The following COG3 variants were observed in gnomAD, a reference collection of about 807,000 sequenced individuals.
COG3 encodes conserved oligomeric Golgi complex subunit 3.
A neutral mutation model predicts 114.1 loss-of-function variants in COG3; 32 were observed. The observed-to-expected ratio is 0.28, with a 90% CI of 0.21 to 0.38. The LOEUF (loss-of-function observed/expected upper bound fraction) is 0.38, where lower values mean the gene tolerates loss of function less well. COG3 is among the 10% of genes least tolerant of loss of function. The pLI is 1.00. For missense variants in COG3, 813 were observed against 973.2 expected (o/e 0.84, Z 2.19); for synonymous variants, 352 against 365.7 (o/e 0.96, Z 0.43).
intron 19 of COG3, among the ~76,000 whole-genome samples, chr13:45,523,064 G>A (rs1374550420): frequency 1.3e-5 from 2 of 152,050 alleles, no homozygotes; most frequent in East Asian, 1.9e-4. Context: ...ACAAATTTGA[G>A]GTGAAGATTT....
At chr13:45,508,730 A>G (rs761636017) in intron 14 of COG3, among the ~76,000 whole-genome samples, 71 of 152,300 alleles carry the variant, frequency 4.7e-4, no homozygotes, top group Non-Finnish European at 9.4e-4. Flanking sequence ...CCCTCGACCC[A>G]GAAGTGATTG....
At chr13:45,511,093 C>T (rs537348567) in intron 15 of COG3, among the ~76,000 whole-genome samples, 2 of 151,926 alleles carry the variant, frequency 1.3e-5, no homozygotes, top group African/African-American at 4.8e-5. Flanking sequence ...CATGCCACAC[C>T]TCTGGGAAGA....
At chr13:45,485,141 C>G (rs1243819035) in intron 7 of COG3, among the ~76,000 whole-genome samples, 5 of 148,174 alleles carry the variant, frequency 3.4e-5, no homozygotes, top group Admixed American at 2.7e-4. Flanking sequence ...GGGCGGTGGC[C>G]GGGCAGAGGG....
intron 5 of COG3, among the ~76,000 whole-genome samples, chr13:45,481,658 TATTCTC>T (rs1437663892): frequency 1.3e-5 from 2 of 152,202 alleles, no homozygotes; most frequent in Admixed American, 6.5e-5. Flanking sequence ...TTTTAAAACT[TATTCTC>T]ATGTTTAGTT....
intron 12 of COG3, among the ~76,000 whole-genome samples, chr13:45,494,408 C>T (rs1868488248): frequency 6.6e-6 from 1 of 151,432 alleles, no homozygotes; most frequent in South Asian, 2.1e-4. Context: ...TTCATTGAGA[C>T]ACTAATTTGT....
chr13:45,503,752 A>C (rs1869808596), intron 14 of COG3, among the ~76,000 whole-genome samples: 1 of 152,154 alleles, frequency 6.6e-6, no homozygotes, highest in South Asian at 2.1e-4. Context: ...TGCATAATTC[A>C]AGTGGTTTGG....
intron 13 of COG3, among the ~76,000 whole-genome samples, 160 bp downstream of exon 13, chr13:45,496,472 G>A (rs1260267145): frequency 6.6e-6 from 1 of 152,002 alleles, no homozygotes; most frequent in African/African-American, 2.4e-5. Flanking sequence ...CACCTGCCTC[G>A]GCCTCCCAAG....
In COG3 at chr13:45,497,191, C is replaced by A. The variant is rs528442743; in HGVS notation, c.1488+879C>A. Among the ~76,000 whole-genome samples, 29 of 152,154 alleles carry A rather than the reference C, an allele frequency of 1.9e-4. 1 individual carries two copies. The highest frequency in any genetic ancestry group is 4.4e-5 in the Non-Finnish European group (3 of 68,028). ...GGAGGCCGTCTCCTCAAAATTATAC[C>A]GTACAAGTGTCCAGTTTATGGTTTG... is the stretch of plus-strand genomic sequence containing the variant. On this transcript the variant is annotated intron_variant, in intron 13 of 22. Transcript: ENST00000349995.
intron 19 of COG3, among the ~76,000 whole-genome samples, chr13:45,524,593 T>C (rs35485445): frequency 0.048 from 7,235 of 152,314 alleles, 248 homozygotes; most frequent in East Asian, 0.1. Flanking sequence ...TTTTTCTAAT[T>C]ACATACAAAA....
chr13:45,474,959 A>G (rs1885769039), intron 1 of COG3, among the ~76,000 whole-genome samples: 1 of 146,300 alleles, frequency 6.8e-6, no homozygotes, highest in African/African-American at 2.5e-5. Context: ...CTGTATGTCT[A>G]TAAATAAATT....
In COG3 at chr13:45,518,757, C is replaced by G. The variant is rs1334572747; in HGVS notation, c.1931-5C>G. ...GTTCACTGGATGAGTAATTTTGTTT[C>G]ACAGATGCAGCATTTAAAATCCTGA... is the stretch of plus-strand genomic sequence containing the variant. On this transcript the variant is annotated splice_region_variant and splice_polypyrimidine_tract_variant and intron_variant, in intron 17 of 22. Coordinates refer to ENST00000349995, the MANE Select transcript of COG3 (RefSeq NM_031431.4). 6.2e-7 allele frequency: 1 copy of G among 1,608,092 alleles called. No homozygotes were observed. Among genetic ancestry groups the G allele is most frequent in the Non-Finnish European group, 8.5e-7 (1 of 1,176,758 alleles).
chr13:45,520,014 C>T (rs1015488722), intron 19 of COG3, among the ~76,000 whole-genome samples: 2 of 152,170 alleles, frequency 1.3e-5, no homozygotes, highest in African/African-American at 2.4e-5. Context: ...TGTGTTGGCT[C>T]ACACCTATAA....
chr13:45,473,601 TACTC>T (rs1200337892), intron 1 of COG3, among the ~76,000 whole-genome samples: 6 of 152,336 alleles, frequency 3.9e-5, no homozygotes, highest in African/African-American at 1.2e-4. Flanking sequence ...TTTATAAACT[TACTC>T]TGTTGCTGCT....
intron 2 of COG3, among the ~76,000 whole-genome samples, chr13:45,477,293 C>T (rs909713145): frequency 6.6e-6 from 1 of 152,010 alleles, no homozygotes; most frequent in African/African-American, 2.4e-5. Context: ...AGTCTTGCAC[C>T]ACATCTGTGA....
At chr13:45,480,066 T>C (rs1457785926) in intron 3 of COG3, 59 bp from the exon 4 acceptor site, 1 of 1,436,788 alleles carries the variant, frequency 7.0e-7, no homozygotes, top group East Asian at 2.3e-5. Context: ...TGTTGTTTTT[T>C]TACTGTGCTT....
chr13:45,500,094 G>GTGTATA (rs1321310200), intron 13 of COG3, among the ~76,000 whole-genome samples: 2 of 114,890 alleles, frequency 1.7e-5, no homozygotes, highest in African/African-American at 6.9e-5. Flanking sequence ...GTGTGTGTGT[G>GTGTATA]TATATATATA....
intron 1 of COG3, among the ~76,000 whole-genome samples, chr13:45,471,877 C>T (rs902648765): frequency 2.0e-5 from 3 of 151,636 alleles, no homozygotes; most frequent in Admixed American, 6.6e-5. Flanking sequence ...GGATTACAGG[C>T]GCCCGCCACT....
Position 45,535,009 on chromosome 13 carries a change from A to G in COG3, c.*278A>G. 8.4e-7 allele frequency: 1 copy of G among 1,194,318 alleles called. No homozygotes were observed. Among genetic ancestry groups the G allele is most frequent in the Non-Finnish European group, 1.0e-6 (1 of 965,250 alleles). The allele number at this position is 1,194,318 out of a possible 1,614,324, so 74.0% of individuals were successfully genotyped here. ...AAATGTGAAGAGAGAGCTAGGGCAG[A>G]CATGCAGTGAAATGGTTCTTTGTTA... On this transcript the variant is annotated 3_prime_UTR_variant, in exon 23 of 23. Transcript: ENST00000349995.
chr13:45,521,250 A>C (rs1413376951), intron 19 of COG3, among the ~76,000 whole-genome samples: 1 of 152,190 alleles, frequency 6.6e-6, no homozygotes, highest in East Asian at 1.9e-4. Flanking sequence ...CTACATGCGT[A>C]TAGCAGGGAT....
Sources: allele counts gnomAD v4.1 joint callset (sites outside exome capture counted in the v4.1 genomes callset), GRCh38; gene constraint gnomAD v4.1.1; transcripts MANE v1.5; gene names NCBI Gene and HGNC (gene_info 2026-07-23, HGNC 2026-07-21).